The following WDR19 variants were observed in gnomAD, a reference collection of about 807,000 sequenced individuals.
WDR19 encodes WD repeat domain 19.
WDR19 carries 121 observed loss-of-function variants against 180.0 expected under a neutral mutation model. That is an observed-to-expected ratio of 0.67 (90% CI 0.58 to 0.78). WDR19 has a LOEUF of 0.78. Ranked by LOEUF, WDR19 falls within the 30% of genes least tolerant of loss-of-function variation. The probability of loss-of-function intolerance (pLI) is 0.00; values close to 1 mark genes in which losing one functional copy is unlikely to be tolerated. For missense variants in WDR19, 1,450 were observed against 1,640.7 expected (o/e 0.88, Z 2.01); for synonymous variants, 497 against 540.7 (o/e 0.92, Z 1.12).
intron 28 of WDR19, 64 bp downstream of exon 28, chr4:39,257,618 T>A (rs1283010045): frequency 3.4e-6 from 5 of 1,463,172 alleles, no homozygotes; most frequent in Admixed American, 4.0e-5. Flanking sequence ...TTGAAAAAAA[T>A]TTTAAATATA....
chr4:39,210,506 G>C (rs896651614), intron 9 of WDR19, among the ~76,000 whole-genome samples: 1 of 152,052 alleles, frequency 6.6e-6, no homozygotes, highest in Non-Finnish European at 1.5e-5. Flanking sequence ...AATATAGCGA[G>C]ACCCCATCTC....
Position 39,257,566 on chromosome 4 carries a change from T to G in WDR19, c.3183+12T>G. 1 of 1,569,470 alleles carries G rather than the reference T, an allele frequency of 6.4e-7. No individual in the cohort carries two copies. Among genetic ancestry groups the G allele is most frequent in the South Asian group, 1.2e-5 (1 of 83,756 alleles). On this transcript the variant is annotated intron_variant, in intron 28 of 36. Coordinates refer to ENST00000399820, the MANE Select transcript of WDR19 (RefSeq NM_025132.4). ...TGGCAATTGAAACTGTAAGTACGCT[T>G]TCAATGAAACTTTCAATAATGCCAA...
At chr4:39,190,647 G>C (rs1361963223) in intron 4 of WDR19, among the ~76,000 whole-genome samples, 3 of 152,192 alleles carry the variant, frequency 2.0e-5, no homozygotes, top group Non-Finnish European at 4.4e-5. Flanking sequence ...ACTGAACCCA[G>C]AGAAAGCAAG....
At chr4:39,285,028 C>G (rs904412505) in intron 36 of WDR19, among the ~76,000 whole-genome samples, 1 of 149,670 alleles carries the variant, frequency 6.7e-6, no homozygotes, top group Admixed American at 6.6e-5. Flanking sequence ...CCACTGTACT[C>G]CAGCCTGGGC....
chr4:39,273,546 G>C (rs911742428), intron 32 of WDR19: 3 of 153,298 alleles, frequency 2.0e-5, no homozygotes, highest in Admixed American at 6.6e-5. Flanking sequence ...CAGGCTCCCA[G>C]AGAGCAGGTG....
chr4:39,246,743 G>T (rs1732567470), intron 24 of WDR19, among the ~76,000 whole-genome samples: 1 of 152,194 alleles, frequency 6.6e-6, no homozygotes, highest in Non-Finnish European at 1.5e-5. Context: ...CACCCACGGA[G>T]CCTCACTCAT....
intron 28 of WDR19, among the ~76,000 whole-genome samples, chr4:39,261,751 A>G (rs1332142539): frequency 6.6e-6 from 1 of 152,244 alleles, no homozygotes; most frequent in Non-Finnish European, 1.5e-5. Context: ...TGTCCCTTGC[A>G]GCTGTCAAAT....
chr4:39,204,079 T>C (rs920237413), intron 7 of WDR19, among the ~76,000 whole-genome samples: 4 of 136,604 alleles, frequency 2.9e-5, no homozygotes, highest in African/African-American at 1.4e-4. Flanking sequence ...TGTAGGCTTG[T>C]TTTTTTTTGT....
intron 9 of WDR19, 39 bp from the exon 10 acceptor site, chr4:39,214,562 A>G (rs773158592): frequency 9.2e-6 from 11 of 1,194,574 alleles, no homozygotes; most frequent in Non-Finnish European, 1.3e-5. Flanking sequence ...TTATATAAAG[A>G]TCATATATAT....
intron 36 of WDR19, among the ~76,000 whole-genome samples, chr4:39,283,652 AATGAT>A (rs761564770): frequency 5.1e-4 from 78 of 152,276 alleles, no homozygotes; most frequent in Non-Finnish European, 7.8e-4. Context: ...CCTGTAATAC[AATGAT>A]ATAATTTTTC....
At chr4:39,270,200 A>G (rs753346176) in intron 31 of WDR19, 100 bp downstream of exon 31, 89 of 1,467,726 alleles carry the variant, frequency 6.1e-5, no homozygotes, top group Non-Finnish European at 8.3e-5. Flanking sequence ...GTGATTGTCT[A>G]GATGTCTGTA....
intron 36 of WDR19, among the ~76,000 whole-genome samples, chr4:39,281,236 T>TATATATATATAGAGAGAG (rs762298152): frequency 2.9e-4 from 30 of 104,018 alleles, no homozygotes; most frequent in African/African-American, 1.2e-3. Flanking sequence ...TATATATATA[T>TATATATATATAGAGAGAG]AGAGAGAGAG....
chr4:39,278,447 G>C (rs1465350558), intron 35 of WDR19, 92 bp from the exon 36 acceptor site: 1 of 999,226 alleles, frequency 1.0e-6, no homozygotes, highest in Non-Finnish European at 1.5e-6. Context: ...AAGAGGTGTA[G>C]ACAGAAAGTT....
rs373737104 is a variant in WDR19 at position 39,234,841 on chromosome 4, A to G, written c.2329A>G (p.Ile777Val). The change falls in exon 20 of 37, where the codon ATA becomes GTA. Residue 777 changes from isoleucine to valine, a missense_variant. By Grantham distance (29) the Ile-to-Val change is conservative (BLOSUM62 3). Coordinates refer to ENST00000399820, the MANE Select transcript of WDR19 (RefSeq NM_025132.4). ...TTTGGCCCCAGACCAGATACCTTTT[A>G]TATCAAAAGAATATGCTATTCAGCT... The part of the protein sequence containing the change: ...KHLAPDQIPF[I>V]SKEYAIQLEF... The G allele has an allele frequency of 2.5e-4, 398 of 1,573,044 alleles. No homozygotes were observed. Among genetic ancestry groups the G allele is most frequent in the Non-Finnish European group, 3.1e-4 (363 of 1,158,044 alleles).
chr4:39,267,870 A>G, intron 29 of WDR19, 125 bp from the exon 30 acceptor site: 1 of 841,346 alleles, frequency 1.2e-6, no homozygotes, highest in Non-Finnish European at 1.9e-6. Flanking sequence ...TTATTCATTG[A>G]GTTTTTAAAG....
chr4:39,230,126 T>G (rs549006816), intron 17 of WDR19, among the ~76,000 whole-genome samples: 3 of 152,296 alleles, frequency 2.0e-5, no homozygotes, highest in Admixed American at 6.5e-5. Flanking sequence ...TCTATTGCCT[T>G]TACAAACAAA....
chr4:39,195,475 T>C (rs780721154), intron 5 of WDR19, among the ~76,000 whole-genome samples: 1 of 152,086 alleles, frequency 6.6e-6, no homozygotes, highest in Non-Finnish European at 1.5e-5. Flanking sequence ...TAGTTAAATC[T>C]AGATGTGGAC....
At position 39,285,573 on chromosome 4, in the gene WDR19, G is replaced by GAGAAATGA. The variant is rs1245607584; in HGVS notation, c.*102_*109dup. ...TAAGAGACGGTCCTTTCTGGATACAGAGAAATGAAACAACGGTGACCTCTC... is the reference window on the plus strand; with the variant it reads ...TAAGAGACGGTCCTTTCTGGATACAGAGAAATGAAGAAATGAAACAACGGTGACCTCTC... On this transcript the variant is annotated 3_prime_UTR_variant, in exon 37 of 37. Coordinates refer to ENST00000399820, the MANE Select transcript of WDR19 (RefSeq NM_025132.4). 6.6e-6 allele frequency: 1 copy of GAGAAATGA among 152,192 alleles called. No individual in the cohort carries two copies. The highest frequency in any genetic ancestry group is 1.5e-5 in the Non-Finnish European group (1 of 68,052). The allele number at this position is 152,192 out of a possible 1,614,324, so 9.4% of individuals were successfully genotyped here. A position where few individuals can be genotyped will look rare whatever the true frequency, so the allele number is the denominator to read the frequency against.
intron 30 of WDR19, among the ~76,000 whole-genome samples, chr4:39,269,007 G>A (rs1735080828): frequency 6.6e-6 from 1 of 152,162 alleles, no homozygotes; most frequent in Non-Finnish European, 1.5e-5. Flanking sequence ...GGGGGAGCAG[G>A]TGACGAGGGG....
Sources: gnomAD v4.1 joint callset for allele counts (sites outside exome capture counted in the v4.1 genomes callset) on GRCh38, gnomAD v4.1.1 for gene constraint, MANE v1.5 for transcripts, NCBI Gene and HGNC (gene_info 2026-07-23, HGNC 2026-07-21) for gene names.